HMGA1: variants seen among roughly 807,000 people sequenced by gnomAD.
The protein encoded by HMGA1 is high mobility group AT-hook 1.
A neutral mutation model predicts 15.1 loss-of-function variants in HMGA1; 1 was observed. The observed-to-expected ratio is 0.07, with a 90% CI of 0.02 to 0.31. The LOEUF is 0.31. Among genes scored for constraint, HMGA1 ranks in the 10% least tolerant of loss-of-function variants. The pLI is 1.00. For synonymous variants in HMGA1, 56 were observed against 54.8 expected (o/e 1.02, Z -0.10); for missense variants, 94 against 141.4 (o/e 0.66, Z 1.70).
In HMGA1 at chr6:34,245,125, C is replaced by A; in HGVS notation, c.*241C>A. 1 of 1,497,680 alleles carries A rather than the reference C, an allele frequency of 6.7e-7. No individual in the cohort carries two copies. The highest frequency in any genetic ancestry group is 1.2e-5 in the South Asian group (1 of 82,700). The allele number at this position is 1,497,680 out of a possible 1,614,324, so 92.8% of individuals were successfully genotyped here. A position where few individuals can be genotyped will look rare whatever the true frequency, so the allele number is the denominator to read the frequency against. On this transcript the variant is annotated 3_prime_UTR_variant, in exon 6 of 6. Coordinates refer to ENST00000311487, the MANE Select transcript of HMGA1 (RefSeq NM_145899.3). ...CCTGGCCTCAGTTCCCAGCTCCCCC[C>A]GCCCACCCACGCATACACACATGCC... is the stretch of plus-strand genomic sequence containing the variant.
At position 34,243,503 on chromosome 6, in the gene HMGA1, C is replaced by T; in HGVS notation, c.255C>T (p.Gly85=). 1 of 1,613,776 alleles carries T rather than the reference C, an allele frequency of 6.2e-7. No individual in the cohort carries two copies. Among genetic ancestry groups the T allele is most frequent in the Non-Finnish European group, 8.5e-7 (1 of 1,179,726 alleles). Residue 85 remains glycine, a synonymous_variant, in exon 5 of 6, where the codon GGC becomes GGT. Coordinates refer to ENST00000311487, the MANE Select transcript of HMGA1 (RefSeq NM_145899.3). ...CAACTCCAGGAAGGAAACCAAGGGG[C>T]AGACCCAAAAAACTGGTAGGTGAAG... ...TTTTPGRKPR[G]RPKKLEKEEE... is the part of the protein sequence containing the mutation.
At chr6:34,237,757 G>A (rs1412534064) in intron 2 of HMGA1, among the ~76,000 whole-genome samples, 1 of 151,468 alleles carries the variant, frequency 6.6e-6, no homozygotes, top group South Asian at 2.1e-4. Context: ...CGGCAGGAGA[G>A]TGGGGGGTCG....
chr6:34,243,382 G>T (rs1359896314), intron 4 of HMGA1, 86 bp from the exon 5 acceptor site: 1 of 1,024,836 alleles, frequency 9.8e-7, no homozygotes, highest in East Asian at 2.5e-5. Context: ...GAACAGGCAG[G>T]TAGGTCTGCC....
chr6:34,243,097 C>T (rs1458482047), intron 4 of HMGA1, among the ~76,000 whole-genome samples: 2 of 152,136 alleles, frequency 1.3e-5, no homozygotes, highest in East Asian at 1.9e-4. Context: ...CCCTGCCAGT[C>T]CCTGGGCTGA....
At chr6:34,240,122 A>T (rs772914078) in intron 2 of HMGA1, among the ~76,000 whole-genome samples, 1 of 152,196 alleles carries the variant, frequency 6.6e-6, no homozygotes, top group Admixed American at 6.5e-5. Context: ...CCAGGGATTT[A>T]CCCTGGGTGA....
At chr6:34,237,584 C>T (rs1486623932) in intron 2 of HMGA1, among the ~76,000 whole-genome samples, 2 of 145,800 alleles carry the variant, frequency 1.4e-5, no homozygotes, top group Non-Finnish European at 3.0e-5. Flanking sequence ...GAAAGGCGCG[C>T]GGTGGGGGAG....
intron 2 of HMGA1, among the ~76,000 whole-genome samples, chr6:34,237,529 C>T (rs911568676): frequency 6.9e-6 from 1 of 144,310 alleles, no homozygotes; most frequent in Non-Finnish European, 1.5e-5. Flanking sequence ...ACGCCCGCAC[C>T]CCTTCCCCCG....
intron 2 of HMGA1, among the ~76,000 whole-genome samples, chr6:34,238,268 C>T (rs117741261): frequency 1.3e-5 from 2 of 152,138 alleles, no homozygotes; most frequent in African/African-American, 4.8e-5. Context: ...CCCGCGCGCC[C>T]TGGCCCCGGG....
chr6:34,243,599 G>A, intron 5 of HMGA1, 81 bp downstream of exon 5: 1 of 1,135,252 alleles, frequency 8.8e-7, no homozygotes, highest in South Asian at 1.2e-5. Flanking sequence ...CTGATGCTAT[G>A]CACCCCCTAT....
In HMGA1 at chr6:34,245,262, C is replaced by G; in HGVS notation, c.*378C>G. 7.3e-7 allele frequency: 1 copy of G among 1,376,722 alleles called. No individual in the cohort carries two copies. The highest frequency in any genetic ancestry group is 9.6e-7 in the Non-Finnish European group (1 of 1,043,450). 85.3% of individuals were successfully genotyped at this position (1,376,722 alleles called of 1,614,324 possible). ...GGCTTTTGGTTTGGGGGCGCCCTCT[C>G]TGCTCCTTCACTGTTCCCTCTGGCT... On this transcript the variant is annotated 3_prime_UTR_variant, in exon 6 of 6. Transcript: ENST00000311487.
At position 34,245,784 on chromosome 6, in the gene HMGA1, C is replaced by T; in HGVS notation, c.*900C>T. 4.6e-6 allele frequency: 2 copies of T among 432,098 alleles called. No individual in the cohort carries two copies. The highest frequency in any genetic ancestry group is 8.8e-6 in the Non-Finnish European group (2 of 227,516). 26.8% of individuals were successfully genotyped at this position (432,098 alleles called of 1,614,324 possible). A position where few individuals can be genotyped will look rare whatever the true frequency, so the allele number is the denominator to read the frequency against. On this transcript the variant is annotated 3_prime_UTR_variant, in exon 6 of 6. Coordinates refer to ENST00000311487, the MANE Select transcript of HMGA1 (RefSeq NM_145899.3). Reference sequence around the variant, plus strand: ...GGAGCTCACCCTGCCCGCTCCCAACCCCCCTCCTGCTCCTCCCTGCCCCCC... The same window carrying T: ...GGAGCTCACCCTGCCCGCTCCCAACTCCCCTCCTGCTCCTCCCTGCCCCCC...
At chr6:34,240,959 C>T (rs1215408694) in intron 3 of HMGA1, 44 bp downstream of exon 3, 4 of 1,610,052 alleles carry the variant, frequency 2.5e-6, no homozygotes, top group Non-Finnish European at 2.5e-6. Flanking sequence ...CCCTTTGGGG[C>T]TAGGGAGGTG....
At chr6:34,237,487 G>C (rs1232742619) in intron 2 of HMGA1, among the ~76,000 whole-genome samples, 170 bp downstream of exon 2, 1 of 144,284 alleles carries the variant, frequency 6.9e-6, no homozygotes, top group African/African-American at 2.5e-5. Context: ...GCGGCGCGGG[G>C]GCGGGCGGCG....
At chr6:34,240,676 T>TC in intron 2 of HMGA1, 61 bp from the exon 3 acceptor site, 1 of 1,317,466 alleles carries the variant, frequency 7.6e-7, no homozygotes, top group East Asian at 2.4e-5. Context: ...GTGTGGGTGA[T>TC]GAGGGGGTAG....
intron 5 of HMGA1, 99 bp from the exon 6 acceptor site, chr6:34,244,732 A>G: frequency 1.0e-6 from 1 of 957,424 alleles, no homozygotes; most frequent in South Asian, 1.4e-5. Flanking sequence ...ATCCCTCTTC[A>G]GGAGAGCCAG....
chr6:34,239,804 T>C (rs1484455234), intron 2 of HMGA1, among the ~76,000 whole-genome samples: 1 of 152,172 alleles, frequency 6.6e-6, no homozygotes, highest in Non-Finnish European at 1.5e-5. Context: ...TCAAAATTGA[T>C]GGGGTTAATT....
rs575306067 is a variant in HMGA1, at chr6:34,243,404, T to C, written c.220-64T>C. On this transcript the variant is annotated intron_variant, in intron 4 of 5. Coordinates refer to ENST00000311487, the MANE Select transcript of HMGA1 (RefSeq NM_145899.3). ...CAGGTAGGTCTGCCCCCCATCACTATTGGGCATCGGGTGAGCACTGATGAG... is the reference window on the plus strand; with the variant it reads ...CAGGTAGGTCTGCCCCCCATCACTACTGGGCATCGGGTGAGCACTGATGAG... 5.5e-5 allele frequency: 71 copies of C among 1,281,984 alleles called. No individual in the cohort carries two copies. The East Asian group carries it at 1.5e-3, about 27-fold the overall frequency. 79.4% of individuals were successfully genotyped at this position (1,281,984 alleles called of 1,614,324 possible).
At chr6:34,244,609 G>C (rs1328846044) in intron 5 of HMGA1, among the ~76,000 whole-genome samples, 1 of 152,146 alleles carries the variant, frequency 6.6e-6, no homozygotes, top group Non-Finnish European at 1.5e-5. Context: ...TTGGCTCCTG[G>C]CTCTGGGTGA....
intron 2 of HMGA1, 78 bp from the exon 3 acceptor site, chr6:34,240,659 C>T (rs1236259624): frequency 8.6e-6 from 10 of 1,166,478 alleles, no homozygotes; most frequent in Non-Finnish European, 1.3e-5. Flanking sequence ...TGCAGTGTGC[C>T]TTGAAGGTGT....
Sources: allele counts gnomAD v4.1 joint callset (sites outside exome capture counted in the v4.1 genomes callset), GRCh38; gene constraint gnomAD v4.1.1; transcripts MANE v1.5; gene names NCBI Gene and HGNC (gene_info 2026-07-23, HGNC 2026-07-21).